MVB12A: variants seen among roughly 807,000 people sequenced by gnomAD.
The protein encoded by MVB12A is CIN85/CD2AP family binding protein.
In MVB12A, 30 loss-of-function variants were observed where a neutral mutation model predicts 34.3. That is an observed-to-expected ratio of 0.88 (90% CI 0.65 to 1.19). The LOEUF (loss-of-function observed/expected upper bound fraction) is 1.19, where lower values mean the gene tolerates loss of function less well. MVB12A is among the 50% of genes most tolerant of loss of function. MVB12A has a pLI of 0.00. For synonymous variants in MVB12A, 158 were observed against 158.9 expected (o/e 0.99, Z 0.04); for missense variants, 355 against 369.2 (o/e 0.96, Z 0.31).
At chr19:17,411,233 TG>T (rs1196086225) in intron 2 of MVB12A, among the ~76,000 whole-genome samples, 1 of 152,126 alleles carries the variant, frequency 6.6e-6, no homozygotes, top group Non-Finnish European at 1.5e-5. Context: ...CCCAAAGTTC[TG>T]GGATTACAGG....
chr19:17,420,023 C>CACCT (rs1208390837), upstream of MVB12A: 7 of 473,084 alleles, frequency 1.5e-5, no homozygotes, highest in Non-Finnish European at 2.3e-5. Flanking sequence ...CCGCCCCCCC[C>CACCT]CCCCGCATGG....
intron 2 of MVB12A, among the ~76,000 whole-genome samples, chr19:17,411,751 CT>C (rs1409576479): frequency 6.6e-6 from 1 of 152,080 alleles, no homozygotes; most frequent in Non-Finnish European, 1.5e-5. Flanking sequence ...CTTCCTCAGC[CT>C]CCCAAGGTGC....
At chr19:17,423,405 T>TGCATGTCCGGGTCCCCC in intron 4 of MVB12A, 93 bp from the exon 5 acceptor site, 2 of 1,405,090 alleles carry the variant, frequency 1.4e-6, no homozygotes, top group Non-Finnish European at 1.9e-6. Context: ...AGAGGTCACC[T>TGCATGTCCGGGTCCCCC]GCATGCCCGG....
chr19:17,415,303 C>G (rs1029262337), upstream of MVB12A: 29 of 152,164 alleles, frequency 1.9e-4, no homozygotes, highest in African/African-American at 6.8e-4. Flanking sequence ...ACCCAACCCC[C>G]TTCCTCAAAG....
At position 17,423,573 on chromosome 19, in the gene MVB12A, C is replaced by G. The variant is rs1471526952; in HGVS notation, c.489C>G (p.Ser163Arg). ...CAGTGCCCAAGCCCCGAGGTCTCAGCCGGGACATGCAGGGCCTCTCTCTGG... is the reference window on the plus strand; with the variant it reads ...CAGTGCCCAAGCCCCGAGGTCTCAGGCGGGACATGCAGGGCCTCTCTCTGG... Reference protein sequence around the residue: ...PRPVPKPRGLSRDMQGLSLDA... With the variant: ...PRPVPKPRGLRRDMQGLSLDA... The change falls in exon 5 of 9, where the codon AGC becomes AGG. Residue 163 changes from serine (S) to arginine (R), a missense_variant. Physicochemically the swap from Ser to Arg is moderately radical, Grantham distance 110. Coordinates refer to ENST00000317040, the MANE Select transcript of MVB12A (RefSeq NM_138401.4). 6.2e-7 allele frequency: 1 copy of G among 1,614,110 alleles called. No homozygotes were observed. The highest frequency in any genetic ancestry group is 1.7e-5 in the Admixed American group (1 of 60,022).
chr19:17,413,746 C>T (rs1227685076), intron 2 of MVB12A, among the ~76,000 whole-genome samples: 1 of 152,182 alleles, frequency 6.6e-6, no homozygotes, highest in Non-Finnish European at 1.5e-5. Flanking sequence ...AACAACTTTT[C>T]CTTTGGCAAA....
In MVB12A at chr19:17,422,598, G is replaced by A. The variant is rs559523554; in HGVS notation, c.413+140G>A. On this transcript the variant is annotated intron_variant, in intron 4 of 8. Transcript: ENST00000317040. The stretch of plus-strand genomic sequence containing the variant: ...GCCTCAGATTCTGCATGTTAAAACC[G>A]GGACATATATATCATCTTGTAGGAC... 234 of 758,528 alleles carry A rather than the reference G, an allele frequency of 3.1e-4. 4 individuals carry two copies. The South Asian group carries it at 5.8e-3, about 19-fold the overall frequency. 47.0% of individuals were successfully genotyped at this position (758,528 alleles called of 1,614,324 possible). A position where few individuals can be genotyped will look rare whatever the true frequency, so the allele number is the denominator to read the frequency against.
At chr19:17,423,855 G>C in intron 6 of MVB12A, 56 bp downstream of exon 6, 1 of 1,582,550 alleles carries the variant, frequency 6.3e-7, no homozygotes, top group South Asian at 1.1e-5. Context: ...ACTGTCTTGA[G>C]ATTACACAAC....
intron 2 of MVB12A, among the ~76,000 whole-genome samples, chr19:17,411,723 T>G (rs2074770489): frequency 1.3e-5 from 2 of 151,772 alleles, no homozygotes; most frequent in South Asian, 4.2e-4. Context: ...CTCAAACTCC[T>G]GGGCTCATGT....
At chr19:17,417,250 AAT>A, upstream of MVB12A, 1 of 160,472 alleles carries the variant, frequency 6.2e-6, no homozygotes, top group East Asian at 1.5e-4. Context: ...CCACATCTCC[AAT>A]AGAGATGCCA....
At chr19:17,417,104 A>G, upstream of MVB12A, 1 of 361,328 alleles carries the variant, frequency 2.8e-6, no homozygotes, top group South Asian at 2.4e-5. Flanking sequence ...CTTTCCTTTC[A>G]ACTTACAGTC....
intron 3 of MVB12A, 197 bp from the exon 4 acceptor site, chr19:17,422,135 G>T (rs891022502): frequency 2.1e-6 from 1 of 465,734 alleles, no homozygotes; most frequent in East Asian, 3.4e-5. Context: ...CTACTCCAGC[G>T]GTTCCTAAAG....
upstream of MVB12A, chr19:17,415,146 GTTTTTACTAACCCT>G (rs2074791088): frequency 1.2e-5 from 1 of 86,500 alleles, no homozygotes; most frequent in South Asian, 4.1e-4. Flanking sequence ...TTTTAACCTT[GTTTTTACTAACCCT>G]ATTTTTAAAT....
At chr19:17,423,232 G>T (rs1357492881) in intron 4 of MVB12A, among the ~76,000 whole-genome samples, 1 of 150,134 alleles carries the variant, frequency 6.7e-6, no homozygotes, top group Non-Finnish European at 1.5e-5. Flanking sequence ...GGGCATGGTT[G>T]CCTGTAATCC....
rs754530994 is a variant in MVB12A, at chr19:17,423,621, A to G, written c.533+4A>G. 2.5e-6 allele frequency: 4 copies of G among 1,613,924 alleles called. No individual in the cohort carries two copies. In the South Asian group the frequency reaches 4.4e-5, roughly 18 times the overall value. On this transcript the variant is annotated splice_donor_region_variant and intron_variant, in intron 5 of 8. Transcript: ENST00000317040. ...TGGATGCAGCCAGCCAGCCAAGGTG[A>G]GTCCTCAGGCACCGGAGTGGGGGTG...
upstream of MVB12A, among the ~76,000 whole-genome samples, chr19:17,418,549 C>T (rs538749075): frequency 4.0e-5 from 6 of 151,656 alleles, no homozygotes; most frequent in African/African-American, 1.5e-4. Context: ...CGCACCACCA[C>T]GCCTGGATAG....
chr19:17,422,671 C>T (rs921024018), intron 4 of MVB12A: 24 of 373,308 alleles, frequency 6.4e-5, no homozygotes, highest in African/African-American at 4.6e-4. Context: ...CATAACAGGA[C>T]TGGGCGCGGT....
chr19:17,425,074 G>A lies in MVB12A; in HGVS notation c.*81G>A, dbSNP rs1406582243. 1 of 499,860 alleles carries A rather than the reference G, an allele frequency of 2.0e-6. No individual in the cohort carries two copies. The highest frequency in any genetic ancestry group is 4.7e-5 in the East Asian group (1 of 21,430). The allele number at this position is 499,860 out of a possible 1,614,324, so 31.0% of individuals were successfully genotyped here. On this transcript the variant is annotated 3_prime_UTR_variant, in exon 9 of 9. Coordinates refer to ENST00000317040, the MANE Select transcript of MVB12A (RefSeq NM_138401.4). ...GCCACCCCCCCTCACTGCATCCTGGGGCCACCCCCACTCACTGCATCCTGG... is the reference window on the plus strand; with the variant it reads ...GCCACCCCCCCTCACTGCATCCTGGAGCCACCCCCACTCACTGCATCCTGG...
Position 17,424,685 on chromosome 19 carries a change from C to G in MVB12A, c.759+8C>G, listed in dbSNP as rs1455870666. ...GCGGACATTGAGGAGGAGGTGGGTGCAGGGCTAGGGAGGAGGTGGGTGCAG... is the reference window on the plus strand; with the variant it reads ...GCGGACATTGAGGAGGAGGTGGGTGGAGGGCTAGGGAGGAGGTGGGTGCAG... On this transcript the variant is annotated splice_region_variant and intron_variant, in intron 8 of 8. Transcript: ENST00000317040. 1.2e-6 allele frequency: 2 copies of G among 1,605,346 alleles called. No individual in the cohort carries two copies. Among genetic ancestry groups the G allele is most frequent in the Non-Finnish European group, 8.5e-7 (1 of 1,174,560 alleles).
Sources: gnomAD v4.1 joint callset for allele counts (sites outside exome capture counted in the v4.1 genomes callset) on GRCh38, gnomAD v4.1.1 for gene constraint, MANE v1.5 for transcripts, NCBI Gene and HGNC (gene_info 2026-07-23, HGNC 2026-07-21) for gene names.